The following MGMT variants were observed in gnomAD, a reference collection of about 807,000 sequenced individuals.
The protein encoded by MGMT is methylated-DNA--protein-cysteine methyltransferase.
A neutral mutation model predicts 15.9 loss-of-function variants in MGMT; 14 were observed. The ratio of observed to expected loss-of-function variants is 0.88; its 90% confidence interval spans 0.58 to 1.37. The LOEUF is 1.37. MGMT is among the 40% of genes most tolerant of loss of function. The probability of loss-of-function intolerance (pLI) is 0.00; values close to 1 mark genes in which losing one functional copy is unlikely to be tolerated. For missense variants in MGMT, 282 were observed against 268.1 expected (o/e 1.05, Z -0.36); for synonymous variants, 130 against 118.2 (o/e 1.10, Z -0.65).
intron 3 of MGMT, among the ~76,000 whole-genome samples, chr10:129,732,681 A>G (rs796123809): frequency 1.3e-5 from 2 of 148,246 alleles, no homozygotes; most frequent in African/African-American, 2.5e-5. Context: ...AGCATTAGGT[A>G]TATCTCCCAA....
chr10:129,739,763 T>A (rs1012416176), intron 3 of MGMT, among the ~76,000 whole-genome samples: 2 of 152,194 alleles, frequency 1.3e-5, no homozygotes, highest in Non-Finnish European at 2.9e-5. Context: ...TCTTAACACA[T>A]TATGAGTTTT....
chr10:129,585,560 C>T (rs78045047), intron 2 of MGMT, among the ~76,000 whole-genome samples: 4,951 of 152,138 alleles, frequency 0.033, 131 homozygotes, highest in South Asian at 0.065. Context: ...CCAGAGACAC[C>T]CTCCCATATT....
intron 2 of MGMT, among the ~76,000 whole-genome samples, chr10:129,635,406 GC>G (rs1469353562): frequency 6.6e-6 from 1 of 152,218 alleles, no homozygotes; most frequent in Non-Finnish European, 1.5e-5. Context: ...CCCTCCGGGT[GC>G]CCGGAACTCT....
chr10:129,588,501 C>A (rs1473056050), intron 2 of MGMT, among the ~76,000 whole-genome samples: 1 of 152,106 alleles, frequency 6.6e-6, no homozygotes, highest in Non-Finnish European at 1.5e-5. Context: ...CCTCTGAGTA[C>A]CTTGTTGTCC....
intron 3 of MGMT, among the ~76,000 whole-genome samples, chr10:129,756,124 A>G (rs1848803327): frequency 6.6e-6 from 1 of 152,240 alleles, no homozygotes; most frequent in Non-Finnish European, 1.5e-5. Context: ...CAATGCAGGC[A>G]GAGGGTTTAG....
At chr10:129,605,649 G>A (rs558020194) in intron 2 of MGMT, among the ~76,000 whole-genome samples, 1 of 152,196 alleles carries the variant, frequency 6.6e-6, no homozygotes, top group African/African-American at 2.4e-5. Context: ...CCGAGGAAAG[G>A]CTTGTGTTAC....
intron 2 of MGMT, among the ~76,000 whole-genome samples, chr10:129,707,668 ACT>A (rs1848180543): frequency 6.6e-6 from 1 of 151,956 alleles, no homozygotes; most frequent in South Asian, 2.1e-4. Context: ...TGTGATGCAG[ACT>A]CTCAGAACAC....
chr10:129,643,146 CCCTTCACCTTCAT>C (rs1245511012), intron 2 of MGMT, among the ~76,000 whole-genome samples: 4 of 152,044 alleles, frequency 2.6e-5, no homozygotes, highest in African/African-American at 9.7e-5. Context: ...CGTGCGCTTC[CCCTTCACCTTCAT>C]CCTTGGGCCC....
chr10:129,688,128 G>A (rs1847930265), intron 2 of MGMT, among the ~76,000 whole-genome samples: 1 of 152,114 alleles, frequency 6.6e-6, no homozygotes. Flanking sequence ...CTTTGCTATT[G>A]TGAATAGTGC....
At chr10:129,590,677 A>G (rs1846673297) in intron 2 of MGMT, among the ~76,000 whole-genome samples, 1 of 152,240 alleles carries the variant, frequency 6.6e-6, no homozygotes, top group African/African-American at 2.4e-5. Flanking sequence ...GAAACTCTCA[A>G]TAAAAATTCT....
At chr10:129,734,038 T>C (rs2133165190) in intron 3 of MGMT, among the ~76,000 whole-genome samples, 1 of 151,792 alleles carries the variant, frequency 6.6e-6, no homozygotes, top group South Asian at 2.1e-4. Context: ...GACTTGGCGA[T>C]GCGGGCTCTT....
chr10:129,575,594 A>C (rs1465064177), intron 2 of MGMT, among the ~76,000 whole-genome samples: 2 of 148,830 alleles, frequency 1.3e-5, no homozygotes, highest in Non-Finnish European at 3.0e-5. Context: ...AAAGATCTAA[A>C]ATTGACACCC....
At position 129,727,989 on chromosome 10, in the gene MGMT, G is replaced by GGGGCT. The variant is rs369124322; in HGVS notation, c.274+19948_274+19952dup. On this transcript the variant is annotated intron_variant, in intron 3 of 4. Transcript: ENST00000651593. ...GCTGGAGCAGGGGAGGGTGTGAGGA[G>GGGGCT]GGGCTGCCAGCCTCCCTCCAGGCCA... is the stretch of plus-strand genomic sequence containing the variant. Among the ~76,000 whole-genome samples the GGGGCT allele has an allele frequency of 2.0e-3, 307 of 152,294 alleles. 1 individual carries two copies. Among genetic ancestry groups the GGGGCT allele is most frequent in the African/African-American group, 6.7e-3 (278 of 41,570 alleles).
intron 1 of MGMT, among the ~76,000 whole-genome samples, chr10:129,477,672 G>A (rs767186976): frequency 6.6e-6 from 1 of 152,214 alleles, no homozygotes; most frequent in Non-Finnish European, 1.5e-5. Flanking sequence ...CACTGGAAAC[G>A]GAATCAGCCA....
intron 2 of MGMT, among the ~76,000 whole-genome samples, chr10:129,691,486 G>A (rs940405205): frequency 6.6e-5 from 10 of 152,260 alleles, no homozygotes; most frequent in African/African-American, 1.9e-4. Flanking sequence ...GAGGGTGTTA[G>A]CTCGGATAAC....
intron 2 of MGMT, among the ~76,000 whole-genome samples, chr10:129,553,312 G>A (rs1448589348): frequency 6.6e-6 from 1 of 152,206 alleles, no homozygotes; most frequent in Non-Finnish European, 1.5e-5. Flanking sequence ...CACAAAGTCA[G>A]ATTTCTGCGT....
intron 3 of MGMT, among the ~76,000 whole-genome samples, chr10:129,713,946 G>T (rs529060996): frequency 6.6e-6 from 1 of 152,348 alleles, no homozygotes; most frequent in South Asian, 2.1e-4. Flanking sequence ...CCTTCCCAGT[G>T]AGTGGGCTCC....
intron 1 of MGMT, among the ~76,000 whole-genome samples, chr10:129,497,358 G>A (rs562443037): frequency 1.4e-4 from 22 of 152,278 alleles, no homozygotes; most frequent in African/African-American, 4.6e-4. Flanking sequence ...CGTGGTGAGG[G>A]CCCTGCAGAT....
At chr10:129,631,465 G>C (rs981479480) in intron 2 of MGMT, among the ~76,000 whole-genome samples, 2 of 152,180 alleles carry the variant, frequency 1.3e-5, no homozygotes, top group Admixed American at 1.3e-4. Flanking sequence ...ATGTATGTAT[G>C]GTTTTATAAT....
Sources: gnomAD v4.1 joint callset for allele counts (sites outside exome capture counted in the v4.1 genomes callset) on GRCh38, gnomAD v4.1.1 for gene constraint, MANE v1.5 for transcripts, NCBI Gene and HGNC (gene_info 2026-07-23, HGNC 2026-07-21) for gene names.